The following COL27A1 variants were observed in gnomAD, a reference collection of about 807,000 sequenced individuals.
COL27A1 encodes collagen alpha-1(XXVII) chain.
COL27A1 carries 106 observed loss-of-function variants against 251.3 expected under a neutral mutation model. The observed-to-expected ratio is 0.42, with a 90% CI of 0.36 to 0.50. COL27A1 has a LOEUF of 0.50. Ranked by LOEUF, COL27A1 falls within the 20% of genes least tolerant of loss-of-function variation. COL27A1 has a pLI of 0.00. For synonymous variants in COL27A1, 1,000 were observed against 986.3 expected, an observed-to-expected ratio of 1.01 and a Z score of -0.26; for missense variants, 2,325 against 2,522.8, an observed-to-expected ratio of 0.92 and a Z score of 1.68.
chr9:114,240,339 G>A, intron 20 of COL27A1, 66 bp downstream of exon 20: 2 of 1,582,916 alleles, frequency 1.3e-6, no homozygotes, highest in Non-Finnish European at 1.7e-6. Context: ...CACAGGGGCT[G>A]GCTGCCTGGC....
At chr9:114,154,167 G>C (rs1200222467), upstream of COL27A1, among the ~76,000 whole-genome samples, 3 of 151,958 alleles carry the variant, frequency 2.0e-5, no homozygotes, top group Non-Finnish European at 4.4e-5. This position sits in a 1 kb window ranked among gnomAD's most constrained non-coding sequence, Gnocchi z 5.8. Context: ...GCCGAAGTTC[G>C]AGCGCAGGCG....
chr9:114,252,531 C>G (rs1281241967), intron 25 of COL27A1, 62 bp from the exon 26 acceptor site: 2 of 1,470,176 alleles, frequency 1.4e-6, no homozygotes, highest in East Asian at 4.5e-5. Context: ...CTGCACCTGC[C>G]TCCCACAGAG....
intron 45 of COL27A1, 83 bp downstream of exon 45, chr9:114,289,378 C>T: frequency 1.5e-6 from 2 of 1,368,816 alleles, no homozygotes; most frequent in Non-Finnish European, 9.9e-7. Flanking sequence ...AAACCAAACG[C>T]AGGCTGCAGA....
At chr9:114,209,450 A>G in intron 10 of COL27A1, 3 of 768,762 alleles carry the variant, frequency 3.9e-6, no homozygotes, top group East Asian at 2.5e-5. Flanking sequence ...GCGTGAGGGT[A>G]TGTGCCTTTG....
chr9:114,177,809 T>C (rs1827590452), intron 3 of COL27A1, among the ~76,000 whole-genome samples: 1 of 152,186 alleles, frequency 6.6e-6, no homozygotes, highest in Non-Finnish European at 1.5e-5. Flanking sequence ...CCTTCTCTGT[T>C]CTGATTCTGC....
chr9:114,205,648 C>T, intron 8 of COL27A1, 111 bp from the exon 9 acceptor site: 1 of 1,003,298 alleles, frequency 1.0e-6, no homozygotes, highest in Admixed American at 1.8e-5. Flanking sequence ...TTCCATCTCA[C>T]ATTCCTGCCC....
At chr9:114,164,325 C>T (rs1365246115) in intron 2 of COL27A1, among the ~76,000 whole-genome samples, 1 of 152,216 alleles carries the variant, frequency 6.6e-6, no homozygotes, top group African/African-American at 2.4e-5. Context: ...TGGGCAAGAA[C>T]AGCCCTTTCC....
intron 49 of COL27A1, among the ~76,000 whole-genome samples, chr9:114,294,247 CAAAAAA>C (rs58536000): frequency 2.4e-5 from 2 of 84,286 alleles, no homozygotes; most frequent in Non-Finnish European, 4.6e-5. Flanking sequence ...GACTCTGTCT[CAAAAAA>C]AAAAAAAAAA....
intron 14 of COL27A1, among the ~76,000 whole-genome samples, chr9:114,229,644 A>C (rs189251978): frequency 5.6e-4 from 86 of 152,250 alleles, no homozygotes; most frequent in Non-Finnish European, 8.1e-4. Context: ...TTGAAACCAC[A>C]CAGCAGCCAG....
Position 114,207,420 on chromosome 9 carries a change from C to A in COL27A1, c.2268+1124C>A, listed in dbSNP as rs560970663. ...TATTCTGCTGCTCCCATGGGCCATT[C>A]CCCCAGAGGGACCCCCTAAACCCAA... is the stretch of plus-strand genomic sequence containing the variant. On this transcript the variant is annotated intron_variant, in intron 10 of 60. Transcript: ENST00000356083. Among the ~76,000 whole-genome samples, 36 of 152,286 alleles carry A rather than the reference C, an allele frequency of 2.4e-4. No individual in the cohort carries two copies. The South Asian group carries it at 7.2e-3, about 31-fold the overall frequency.
chr9:114,270,975 C>T (rs1835099250), intron 36 of COL27A1, 194 bp downstream of exon 36: 1 of 578,442 alleles, frequency 1.7e-6, no homozygotes. Context: ...TCTGCACTAC[C>T]TGCTCAGGTG....
chr9:114,291,090 C>A (rs1827879969), intron 48 of COL27A1, among the ~76,000 whole-genome samples, 173 bp downstream of exon 48: 1 of 152,188 alleles, frequency 6.6e-6, no homozygotes, highest in Admixed American at 6.5e-5. Flanking sequence ...AAGCTTGAAC[C>A]AGAATGATAG....
Position 114,306,507 on chromosome 9 carries a change from C to G in COL27A1, c.4939-13C>G. On this transcript the variant is annotated splice_polypyrimidine_tract_variant and intron_variant, in intron 57 of 60. Coordinates refer to ENST00000356083, the MANE Select transcript of COL27A1 (RefSeq NM_032888.4). Reference sequence around the variant, plus strand: ...ACCCTAAGGTCCCAATGACCACCCTCTCCTCGTGACAGAGTTACAGCTATC... The same window carrying G: ...ACCCTAAGGTCCCAATGACCACCCTGTCCTCGTGACAGAGTTACAGCTATC... 6.2e-7 allele frequency: 1 copy of G among 1,613,598 alleles called. No homozygotes were observed. The highest frequency in any genetic ancestry group is 8.5e-7 in the Non-Finnish European group (1 of 1,179,874).
chr9:114,168,757 T>C lies in COL27A1; in HGVS notation c.1202T>C (p.Leu401Pro), dbSNP rs2135081282. 6.2e-7 allele frequency: 1 copy of C among 1,613,974 alleles called. No homozygotes were observed. The highest frequency in any genetic ancestry group is 8.5e-7 in the Non-Finnish European group (1 of 1,180,034). ...CCATCTTCATTTACAAAGTCAGCCC[T>C]ACCCACTCAGAAGCAAGTGCCACCT... is the stretch of plus-strand genomic sequence containing the variant. ...TAPSSFTKSALPTQKQVPPTS... is the reference protein window; with the variant it reads ...TAPSSFTKSAPPTQKQVPPTS... Residue 401 changes from leucine (L) to proline (P), a missense_variant, in exon 3 of 61, where the codon CTA (leucine) becomes CCA (proline). Around this residue, in one of 4 missense-constraint regions of COL27A1, gnomAD observed 1,183 missense variants for 1,144.1 expected, o/e 1.03. Coordinates refer to ENST00000356083, the MANE Select transcript of COL27A1 (RefSeq NM_032888.4).
At chr9:114,199,267 A>C (rs1424196584) in intron 7 of COL27A1, among the ~76,000 whole-genome samples, 2 of 152,118 alleles carry the variant, frequency 1.3e-5, no homozygotes, top group Non-Finnish European at 2.9e-5. Flanking sequence ...GGGAGGTGCT[A>C]CTGGCTTCTA....
intron 32 of COL27A1, among the ~76,000 whole-genome samples, chr9:114,266,287 G>A (rs920807686): frequency 6.6e-6 from 1 of 152,110 alleles, no homozygotes; most frequent in Non-Finnish European, 1.5e-5. Flanking sequence ...CAACAGATGA[G>A]CAAGACTCAA....
At chr9:114,202,417 TCATA>T (rs2135284232) in intron 7 of COL27A1, among the ~76,000 whole-genome samples, 1 of 152,300 alleles carries the variant, frequency 6.6e-6, no homozygotes, top group Non-Finnish European at 1.5e-5. Context: ...GGATAATTAC[TCATA>T]CAGAGTCACA....
chr9:114,216,487 G>A (rs1830720296), intron 12 of COL27A1, among the ~76,000 whole-genome samples: 1 of 152,240 alleles, frequency 6.6e-6, no homozygotes, highest in Non-Finnish European at 1.5e-5. Context: ...GGGAGCTCTG[G>A]GGTGACTGCT....
chr9:114,206,685 A>T (rs1241293131), intron 10 of COL27A1, among the ~76,000 whole-genome samples: 3 of 152,294 alleles, frequency 2.0e-5, no homozygotes, highest in Non-Finnish European at 2.9e-5. Flanking sequence ...GCTGGGGGGA[A>T]CCACTCTTTG....
Sources: gnomAD v4.1 joint callset for allele counts (sites outside exome capture counted in the v4.1 genomes callset) on GRCh38, gnomAD v4.1.1 for gene constraint, gnomAD v4.1.1 regional missense constraint, Gnocchi (gnomAD v3.1) non-coding constraint, MANE v1.5 for transcripts, NCBI Gene and HGNC (gene_info 2026-07-23, HGNC 2026-07-21) for gene names.